The following SLC16A12 variants were observed in gnomAD, a reference collection of about 807,000 sequenced individuals.
SLC16A12 encodes monocarboxylate transporter 12.
A neutral mutation model predicts 42.4 loss-of-function variants in SLC16A12; 17 were observed. That is an observed-to-expected ratio of 0.40 (90% CI 0.27 to 0.60). SLC16A12 has a LOEUF of 0.60. SLC16A12 is among the 20% of genes least tolerant of loss of function. The pLI, the probability that SLC16A12 is intolerant of heterozygous loss-of-function variation, is 0.42. For missense variants in SLC16A12, 544 were observed against 623.0 expected, an observed-to-expected ratio of 0.87 and a Z score of 1.35; for synonymous variants, 224 against 229.4, an observed-to-expected ratio of 0.98 and a Z score of 0.21.
chr10:89,517,202 G>A lies in SLC16A12; in HGVS notation c.-47+17299C>T, dbSNP rs186701334. 3.7e-3 allele frequency among the ~76,000 whole-genome samples: 563 copies of A among 152,276 alleles called. 2 individuals are homozygous for A. The highest frequency in any genetic ancestry group is 0.012 in the African/African-American group (515 of 41,550). ...ATTGTGCCACTGTACTCCAGCGTGGGTGACAAGGTGAAACTCCATCTCAAA... is the reference window on the plus strand; with the variant it reads ...ATTGTGCCACTGTACTCCAGCGTGGATGACAAGGTGAAACTCCATCTCAAA... On this transcript the variant is annotated intron_variant, in intron 2 of 7. Coordinates refer to ENST00000371790, the MANE Select transcript of SLC16A12 (RefSeq NM_213606.4).
intron 4 of SLC16A12, among the ~76,000 whole-genome samples, chr10:89,442,215 G>T (rs1386013773): frequency 1.3e-5 from 2 of 152,224 alleles, no homozygotes; most frequent in African/African-American, 4.8e-5. Flanking sequence ...GAGCAGATCT[G>T]TTCCCAGTGG....
At chr10:89,546,643 G>A (rs1447997708) in intron 2 of SLC16A12, among the ~76,000 whole-genome samples, 2 of 152,146 alleles carry the variant, frequency 1.3e-5, no homozygotes, top group Non-Finnish European at 2.9e-5. Context: ...CAAGGATCTA[G>A]AACCAGAAAT....
intron 3 of SLC16A12, among the ~76,000 whole-genome samples, chr10:89,456,748 G>A (rs1442862874): frequency 6.6e-6 from 1 of 151,898 alleles, no homozygotes; most frequent in Non-Finnish European, 1.5e-5. Context: ...TCCCCTCCCT[G>A]TGTCCATGTG....
chr10:89,542,258 T>G (rs1384163453), intron 2 of SLC16A12, among the ~76,000 whole-genome samples: 1 of 152,096 alleles, frequency 6.6e-6, no homozygotes, highest in Non-Finnish European at 1.5e-5. Flanking sequence ...ATTTTTGAAT[T>G]TAAACAACAA....
intron 2 of SLC16A12, among the ~76,000 whole-genome samples, chr10:89,490,584 G>A (rs2133805664): frequency 6.6e-6 from 1 of 152,236 alleles, no homozygotes. Context: ...CAATCATATG[G>A]AAGAGAAGCA....
chr10:89,517,144 G>A (rs1843266605), intron 2 of SLC16A12, among the ~76,000 whole-genome samples: 1 of 152,116 alleles, frequency 6.6e-6, no homozygotes, highest in African/African-American at 2.4e-5. Context: ...AGGATCCCTT[G>A]AGCCCAGGAG....
intron 2 of SLC16A12, among the ~76,000 whole-genome samples, chr10:89,529,496 A>AT (rs2133867260): frequency 6.7e-6 from 1 of 149,602 alleles, no homozygotes; most frequent in Non-Finnish European, 1.5e-5. Context: ...ACAGTTGCTG[A>AT]TTTTTATGGT....
At chr10:89,549,333 T>C (rs965121170) in intron 2 of SLC16A12, among the ~76,000 whole-genome samples, 1 of 152,238 alleles carries the variant, frequency 6.6e-6, no homozygotes, top group Admixed American at 6.5e-5. Context: ...TCAAGTGCTA[T>C]ACCAATTATA....
At chr10:89,459,387 G>C (rs1392136069) in intron 3 of SLC16A12, among the ~76,000 whole-genome samples, 1 of 152,040 alleles carries the variant, frequency 6.6e-6, no homozygotes, top group Non-Finnish European at 1.5e-5. Context: ...GCATGTTTGT[G>C]TGTGTATGTG....
At chr10:89,495,499 A>G (rs563828870) in intron 2 of SLC16A12, among the ~76,000 whole-genome samples, 2 of 152,364 alleles carry the variant, frequency 1.3e-5, no homozygotes, top group East Asian at 3.9e-4. Flanking sequence ...CAGAAACTAC[A>G]GATGCTCCTT....
chr10:89,540,912 TC>T (rs1843711094), intron 2 of SLC16A12, among the ~76,000 whole-genome samples: 1 of 151,044 alleles, frequency 6.6e-6, no homozygotes, highest in East Asian at 1.9e-4. Flanking sequence ...TAAGCAAATT[TC>T]TTTTTTTTTT....
At chr10:89,543,392 G>A (rs969110266) in intron 2 of SLC16A12, among the ~76,000 whole-genome samples, 11 of 152,160 alleles carry the variant, frequency 7.2e-5, no homozygotes, top group South Asian at 2.1e-4. Context: ...TTGAATTCAC[G>A]GCTTAGCTCC....
intron 2 of SLC16A12, among the ~76,000 whole-genome samples, chr10:89,463,471 G>C (rs1842336210): frequency 6.6e-6 from 1 of 152,018 alleles, no homozygotes; most frequent in African/African-American, 2.4e-5. Context: ...TTTAGCTGTT[G>C]ACCTTCCAGA....
At chr10:89,445,033 G>A (rs976878559) in intron 3 of SLC16A12, among the ~76,000 whole-genome samples, 1 of 152,266 alleles carries the variant, frequency 6.6e-6, no homozygotes, top group Non-Finnish European at 1.5e-5. Flanking sequence ...TGAGGCGGCA[G>A]CCCGGCTGCG....
At chr10:89,555,646 T>C (rs1268299371) in intron 2 of SLC16A12, among the ~76,000 whole-genome samples, 1 of 144,860 alleles carries the variant, frequency 6.9e-6, no homozygotes, top group African/African-American at 2.5e-5. Context: ...TATATACATA[T>C]ATATACAGAT....
At chr10:89,541,281 A>C (rs907444414) in intron 2 of SLC16A12, among the ~76,000 whole-genome samples, 20 of 152,082 alleles carry the variant, frequency 1.3e-4, no homozygotes, top group Admixed American at 1.3e-3. Context: ...TATAAAATAA[A>C]ATCACCAGTA....
At chr10:89,472,355 G>C (rs1224403283) in intron 2 of SLC16A12, among the ~76,000 whole-genome samples, 1 of 151,650 alleles carries the variant, frequency 6.6e-6, no homozygotes, top group Non-Finnish European at 1.5e-5. Context: ...GAGAAAGAGA[G>C]ATACCCTGTT....
At chr10:89,433,621 A>T (rs1287593409) in intron 7 of SLC16A12, among the ~76,000 whole-genome samples, 1 of 152,228 alleles carries the variant, frequency 6.6e-6, no homozygotes, top group African/African-American at 2.4e-5. Context: ...GAAATCTGGT[A>T]AAAAGATAAA....
At position 89,453,647 on chromosome 10, in the gene SLC16A12, G is replaced by A. The variant is rs75616658; in HGVS notation, c.200+8732C>T. Reference sequence around the variant, plus strand: ...GGTGTGCAGTACGCGCTACTTTCTAGGCTTGTGTGAGTACACTCTATGATG... The same window carrying A: ...GGTGTGCAGTACGCGCTACTTTCTAAGCTTGTGTGAGTACACTCTATGATG... On this transcript the variant is annotated intron_variant, in intron 3 of 7. Coordinates refer to ENST00000371790, the MANE Select transcript of SLC16A12 (RefSeq NM_213606.4). 3.2e-3 allele frequency among the ~76,000 whole-genome samples: 491 copies of A among 152,244 alleles called. 4 individuals are homozygous for A. The highest frequency in any genetic ancestry group is 0.011 in the African/African-American group (463 of 41,526).
Sources: allele counts gnomAD v4.1 joint callset (sites outside exome capture counted in the v4.1 genomes callset), GRCh38; gene constraint gnomAD v4.1.1; transcripts MANE v1.5; gene names NCBI Gene and HGNC (gene_info 2026-07-23, HGNC 2026-07-21).